Variants in SYN1 observed in about 807,000 individuals in gnomAD.
SYN1 encodes the protein synapsin-1.
Under a neutral mutation model 44.6 loss-of-function variants are expected in SYN1, and 8 were observed. That is an observed-to-expected ratio of 0.18 (90% CI 0.11 to 0.32). The LOEUF (loss-of-function observed/expected upper bound fraction) is 0.32. SYN1 is among the 10% of genes least tolerant of loss of function. SYN1 has a pLI of 1.00. For synonymous variants in SYN1, 275 were observed against 280.1 expected (o/e 0.98, Z 0.18); for missense variants, 451 against 639.4 (o/e 0.71, Z 3.18).
At position 47,617,504 on chromosome X, in the gene SYN1, C is replaced by T. The variant is rs756513215; in HGVS notation, c.377+1848G>A. Among the ~76,000 whole-genome samples, 146 of 110,088 alleles carry T rather than the reference C, an allele frequency of 1.3e-3. 1 individual carries two copies. The highest frequency in any genetic ancestry group is 4.6e-3 in the African/African-American group (139 of 30,202). On this transcript the variant is annotated intron_variant, in intron 1 of 12. Coordinates refer to ENST00000295987, the MANE Select transcript of SYN1 (RefSeq NM_006950.3). ...AGTGTTACTTAAATAGACTAAAAGC[C>T]CTTTGGGGGTATGAATTAAAGTTGG...
chrX:47,574,156 C>T lies in SYN1; in HGVS notation c.1828G>A (p.Val610Met). 9.5e-7 allele frequency: 1 copy of T among 1,052,335 alleles called. No homozygotes were observed. The allele number at this position is 1,052,335 out of a possible 1,213,427, so 86.7% of individuals were successfully genotyped here. A position where few individuals can be genotyped will look rare whatever the true frequency, so the allele number is the denominator to read the frequency against. Residue 610 changes from valine to methionine, a missense_variant, in exon 12 of 13, where the codon GTG becomes ATG. Coordinates refer to ENST00000295987, the MANE Select transcript of SYN1 (RefSeq NM_006950.3). ...PTRQASQAGP[V>M]PRTGPPTTQQ... ...GTGGTGGGTGGCCCAGTGCGGGGCA[C>T]GGGACCCGCCTGGCTGGCCTGGCGT... is the stretch of plus-strand genomic sequence containing the variant.
chrX:47,582,232 C>G (rs376386551), intron 5 of SYN1: 1 of 125,560 alleles, frequency 8.0e-6, no homozygotes, highest in African/African-American at 3.2e-5. Context: ...GTGGCTGGCC[C>G]GGGCGAGGCC....
chrX:47,578,240 A>G lies in SYN1; in HGVS notation c.775-739T>C, dbSNP rs2057784292. On this transcript the variant is annotated intron_variant, in intron 5 of 12. Transcript: ENST00000295987. ...AAACCCACATCACCATCAGGGGAAC[A>G]CACACAACACAAAAGATTACCCGTC... Among the ~76,000 whole-genome samples, 3 of 110,759 alleles carry G rather than the reference A, an allele frequency of 2.7e-5. No individual in the cohort carries two copies. The South Asian group carries it at 1.1e-3, about 42-fold the overall frequency.
At position 47,572,766 on chromosome X, in the gene SYN1, A is replaced by G; in HGVS notation, c.*98T>C. 3.5e-6 allele frequency: 4 copies of G among 1,133,653 alleles called. No homozygotes were observed. The highest frequency in any genetic ancestry group is 4.8e-6 in the Non-Finnish European group (4 of 828,602). 93.4% of individuals were successfully genotyped at this position (1,133,653 alleles called of 1,213,427 possible). A position where few individuals can be genotyped will look rare whatever the true frequency, so the allele number is the denominator to read the frequency against. ...AGGTGGAATCTTGGAGAACCGGGAGATGGGTTCTCAAGGGATTTGGAGACT... is the reference window on the plus strand; with the variant it reads ...AGGTGGAATCTTGGAGAACCGGGAGGTGGGTTCTCAAGGGATTTGGAGACT... On this transcript the variant is annotated 3_prime_UTR_variant, in exon 13 of 13. Transcript: ENST00000295987.
intron 1 of SYN1, 56 bp from the exon 2 acceptor site, chrX:47,607,254 A>G: frequency 2.7e-6 from 3 of 1,111,016 alleles, no homozygotes; most frequent in Non-Finnish European, 3.7e-6. Context: ...GGGAAGACAA[A>G]ACACAGGCCC....
intron 5 of SYN1, among the ~76,000 whole-genome samples, chrX:47,601,034 A>G (rs1292216034): frequency 8.9e-6 from 1 of 111,966 alleles, no homozygotes; most frequent in African/African-American, 3.2e-5. Context: ...AAAACATAAT[A>G]AGAGTAGAAA....
rs370974745 is a variant in SYN1 at position 47,602,757 on chromosome X, T to A, written c.774+2221A>T. Among the ~76,000 whole-genome samples, 3 of 112,398 alleles carry A rather than the reference T, an allele frequency of 2.7e-5. No homozygotes were observed. In the East Asian group the frequency reaches 8.3e-4, roughly 31 times the overall value. ...GTAGTACTGGTAAGAATTGCTAATATTAGTAGCAATGTTTATTTAATCAAG... is the reference window on the plus strand; with the variant it reads ...GTAGTACTGGTAAGAATTGCTAATAATAGTAGCAATGTTTATTTAATCAAG... On this transcript the variant is annotated intron_variant, in intron 5 of 12. Coordinates refer to ENST00000295987, the MANE Select transcript of SYN1 (RefSeq NM_006950.3).
intron 1 of SYN1, among the ~76,000 whole-genome samples, chrX:47,613,131 CAAAAAAA>C (rs752216661): frequency 8.0e-5 from 3 of 37,387 alleles, no homozygotes; most frequent in East Asian, 2.1e-3. Context: ...ACTCCGTCTC[CAAAAAAA>C]AAAAAAAAAA....
intron 5 of SYN1, among the ~76,000 whole-genome samples, chrX:47,589,294 C>CAAAA (rs147024653): frequency 1.7e-5 from 1 of 59,962 alleles, no homozygotes. Flanking sequence ...AAGACTGTCT[C>CAAAA]AAAAAAAAAA....
At chrX:47,580,890 C>T (rs887114643) in intron 5 of SYN1, among the ~76,000 whole-genome samples, 5 of 107,872 alleles carry the variant, frequency 4.6e-5, no homozygotes, top group African/African-American at 1.4e-4. Context: ...GCTGAGATCG[C>T]GCCACTGCAC....
intron 12 of SYN1, among the ~76,000 whole-genome samples, 196 bp downstream of exon 12, chrX:47,573,790 TGGCACCAAATTCCTGG>T (rs1227959481): frequency 1.8e-5 from 2 of 110,191 alleles, no homozygotes; most frequent in Non-Finnish European, 3.8e-5. Context: ...TCTGGGATTC[TGGCACCAAATTCCTGG>T]GGTGGGGGTG....
chrX:47,586,562 C>T, intron 5 of SYN1: 10 of 1,212,165 alleles, frequency 8.2e-6, no homozygotes, highest in Non-Finnish European at 1.0e-5. Flanking sequence ...TGCAGAGTGG[C>T]ACTCATTGCT....
At chrX:47,613,199 G>A (rs1314728020) in intron 1 of SYN1, among the ~76,000 whole-genome samples, 3 of 105,539 alleles carry the variant, frequency 2.8e-5, no homozygotes, top group Non-Finnish European at 5.8e-5. Context: ...ACACCCACCA[G>A]ACAGCATCTG....
intron 5 of SYN1, among the ~76,000 whole-genome samples, chrX:47,601,955 A>C (rs767485659): frequency 6.8e-4 from 76 of 112,569 alleles, no homozygotes; most frequent in Non-Finnish European, 1.1e-3. Context: ...GACAAAATTC[A>C]CACAATCATG....
At chrX:47,577,885 G>C in intron 5 of SYN1, among the ~76,000 whole-genome samples, 1 of 103,596 alleles carries the variant, frequency 9.7e-6, no homozygotes, top group Non-Finnish European at 2.0e-5. Flanking sequence ...GGGGGGGGTG[G>C]GGAGTGGTGG....
intron 5 of SYN1, chrX:47,585,140 A>G: frequency 8.6e-7 from 1 of 1,167,026 alleles, no homozygotes; most frequent in Admixed American, 2.4e-5. Context: ...ATATGACTTC[A>G]GGGAAGAACC....
intron 6 of SYN1, 93 bp from the exon 7 acceptor site, chrX:47,576,733 A>G (rs2057778939): frequency 7.3e-6 from 8 of 1,098,436 alleles, no homozygotes; most frequent in Non-Finnish European, 1.0e-5. Flanking sequence ...CATGACACAC[A>G]GGTGAGGCGA....
intron 1 of SYN1, among the ~76,000 whole-genome samples, chrX:47,611,062 A>G (rs1425183943): frequency 9.0e-6 from 1 of 111,354 alleles, no homozygotes; most frequent in African/African-American, 3.3e-5. Context: ...TCACTTCCTC[A>G]GTTCACAAAT....
intron 5 of SYN1, chrX:47,586,350 A>G: frequency 4.0e-6 from 3 of 753,015 alleles, no homozygotes; most frequent in African/African-American, 2.3e-5. Context: ...GTTACCTTTC[A>G]GGACCCAGTG....
Sources: gnomAD v4.1 joint callset for allele counts (sites outside exome capture counted in the v4.1 genomes callset) on GRCh38, gnomAD v4.1.1 for gene constraint, MANE v1.5 for transcripts, NCBI Gene and HGNC (gene_info 2026-07-23, HGNC 2026-07-21) for gene names.